The following ARHGAP22 variants were observed in gnomAD, a reference collection of about 807,000 sequenced individuals.
ARHGAP22 encodes Rho GTPase activating protein 22, also known as rho GTPase-activating protein 22.
Under a neutral mutation model 59.1 loss-of-function variants are expected in ARHGAP22, and 48 were observed. The ratio of observed to expected loss-of-function variants is 0.81; its 90% CI spans 0.64 to 1.03. The LOEUF is 1.03. ARHGAP22 is among the 50% of genes least tolerant of loss of function. The pLI is 0.00. For missense variants in ARHGAP22, 1,015 were observed against 958.7 expected (o/e 1.06, Z -0.78); for synonymous variants, 445 against 416.4 (o/e 1.07, Z -0.84).
At chr10:48,582,008 A>C (rs576316048) in intron 2 of ARHGAP22, among the ~76,000 whole-genome samples, 1 of 152,340 alleles carries the variant, frequency 6.6e-6, no homozygotes, top group East Asian at 1.9e-4. Flanking sequence ...CAGGGTTGAC[A>C]CTTCATCCTT....
rs2050589285 is a variant in ARHGAP22, at chr10:48,493,298, C to T, written c.323-13534G>A. ...CCAGGCTGAACCTCCCTGCTGTCCT[C>T]CCAGTCTTCATTCATGTCTTTCATT... On this transcript the variant is annotated intron_variant, in intron 3 of 9. Transcript: ENST00000249601. 9 of 950,882 alleles carry T rather than the reference C, an allele frequency of 9.5e-6. No homozygotes were observed. In the South Asian group the frequency reaches 1.5e-4, roughly 16 times the overall value. 58.9% of individuals were successfully genotyped at this position (950,882 alleles called of 1,614,324 possible).
chr10:48,574,784 T>C (rs2058607982), intron 2 of ARHGAP22: 2 of 152,204 alleles, frequency 1.3e-5, no homozygotes, highest in African/African-American at 4.8e-5. Flanking sequence ...TCAGGCGCTA[T>C]CTGAGAGTGA....
chr10:48,462,194 T>G (rs1167649385), intron 4 of ARHGAP22, among the ~76,000 whole-genome samples: 1 of 136,862 alleles, frequency 7.3e-6, no homozygotes, highest in African/African-American at 2.7e-5. Context: ...TATAAACGTA[T>G]GTGCATATGT....
At chr10:48,641,542 C>T (rs1407007076) in intron 1 of ARHGAP22, among the ~76,000 whole-genome samples, 2 of 152,224 alleles carry the variant, frequency 1.3e-5, no homozygotes, top group African/African-American at 4.8e-5. Flanking sequence ...CAAAATTCAA[C>T]AGCCCTTCAT....
intron 1 of ARHGAP22, among the ~76,000 whole-genome samples, chr10:48,584,577 A>G (rs2059309487): frequency 1.3e-5 from 2 of 152,162 alleles, no homozygotes. Flanking sequence ...CCACTTCTAC[A>G]TGCGTGTCCT....
At chr10:48,579,530 T>G (rs956776245) in intron 2 of ARHGAP22, among the ~76,000 whole-genome samples, 1 of 152,244 alleles carries the variant, frequency 6.6e-6, no homozygotes, top group African/African-American at 2.4e-5. Flanking sequence ...TTTGAGCTTG[T>G]GCAAGCTGCT....
At chr10:48,451,635 C>T (rs1307362832) in intron 8 of ARHGAP22, 2 of 682,174 alleles carry the variant, frequency 2.9e-6, no homozygotes, top group Non-Finnish European at 5.4e-6. Context: ...CATACAATTG[C>T]ACACACAATG....
intron 1 of ARHGAP22, among the ~76,000 whole-genome samples, chr10:48,650,548 G>A (rs1486752224): frequency 2.0e-5 from 3 of 152,110 alleles, no homozygotes; most frequent in African/African-American, 7.2e-5. Context: ...ACTTCAAAAT[G>A]GTTAAATTCA....
At chr10:48,565,292 T>C (rs1041239399) in intron 2 of ARHGAP22, among the ~76,000 whole-genome samples, 1 of 152,034 alleles carries the variant, frequency 6.6e-6, no homozygotes, top group Non-Finnish European at 1.5e-5. Context: ...GAGCAGAAGG[T>C]GTGGAATGGA....
intron 2 of ARHGAP22, among the ~76,000 whole-genome samples, chr10:48,561,768 A>G (rs2057701146): frequency 6.6e-6 from 1 of 152,232 alleles, no homozygotes; most frequent in Non-Finnish European, 1.5e-5. Context: ...GAAAATGCAA[A>G]TTAAACCCAT....
chr10:48,532,944 CCA>C (rs2055000011), intron 3 of ARHGAP22: 2 of 151,602 alleles, frequency 1.3e-5, no homozygotes, highest in Admixed American at 1.3e-4. Flanking sequence ...TTATTGAACT[CCA>C]GTTTTTGCTC....
At chr10:48,467,639 CTTCT>C (rs954828892) in intron 4 of ARHGAP22, among the ~76,000 whole-genome samples, 4 of 149,420 alleles carry the variant, frequency 2.7e-5, no homozygotes, top group South Asian at 2.1e-4. Flanking sequence ...ATCAGGGTGA[CTTCT>C]TTCTTTATTG....
At chr10:48,455,809 T>C (rs1225621774) in intron 5 of ARHGAP22, among the ~76,000 whole-genome samples, 1 of 152,206 alleles carries the variant, frequency 6.6e-6, no homozygotes, top group East Asian at 1.9e-4. Flanking sequence ...TGCTGGCTCC[T>C]TGTTGGGGAG....
chr10:48,451,397 C>A (rs559819504), intron 8 of ARHGAP22: 1 of 707,548 alleles, frequency 1.4e-6, no homozygotes, highest in South Asian at 1.5e-5. Context: ...TGTGCCTGCG[C>A]TCACGCCCTC....
intron 3 of ARHGAP22, among the ~76,000 whole-genome samples, chr10:48,552,359 C>G (rs139952303): frequency 2.0e-5 from 3 of 152,260 alleles, no homozygotes; most frequent in Non-Finnish European, 2.9e-5. Context: ...AGACCCCAGG[C>G]GGGGCTGTTA....
chr10:48,599,940 C>G (rs2060285638), intron 1 of ARHGAP22, among the ~76,000 whole-genome samples: 1 of 152,206 alleles, frequency 6.6e-6, no homozygotes, highest in Non-Finnish European at 1.5e-5. Flanking sequence ...ATGAGCTGTT[C>G]AGTGACACGT....
upstream of ARHGAP22, among the ~76,000 whole-genome samples, chr10:48,605,416 A>C (rs1451055917): frequency 6.7e-6 from 1 of 149,182 alleles, no homozygotes; most frequent in Non-Finnish European, 1.5e-5. Context: ...GTGTCTGGGA[A>C]GGAGCAAGCA....
intron 1 of ARHGAP22, among the ~76,000 whole-genome samples, chr10:48,590,628 C>T (rs995868884): frequency 6.6e-6 from 1 of 152,220 alleles, no homozygotes; most frequent in Non-Finnish European, 1.5e-5. Flanking sequence ...TGCCCATAAA[C>T]CCTTGAGTGG....
At chr10:48,635,037 C>T (rs989807371) in intron 1 of ARHGAP22, among the ~76,000 whole-genome samples, 19 of 152,110 alleles carry the variant, frequency 1.2e-4, no homozygotes, top group African/African-American at 4.3e-4. Flanking sequence ...TTGTGAAAGC[C>T]CTGGGGCCCG....
Sources: allele counts gnomAD v4.1 joint callset (sites outside exome capture counted in the v4.1 genomes callset), GRCh38; gene constraint gnomAD v4.1.1; transcripts MANE v1.5; gene names NCBI Gene and HGNC (gene_info 2026-07-23, HGNC 2026-07-21).